The following PTGIS variants were observed in gnomAD, a reference collection of about 807,000 sequenced individuals.
PTGIS encodes prostacyclin synthase.
A neutral mutation model predicts 50.3 loss-of-function variants in PTGIS; 45 were observed. The observed-to-expected ratio is 0.90, with a 90% CI of 0.70 to 1.15. PTGIS has a LOEUF of 1.15. PTGIS is among the 50% of genes most tolerant of loss of function. PTGIS has a pLI of 0.00. For missense variants in PTGIS, 668 were observed against 661.3 expected (o/e 1.01, Z -0.11); for synonymous variants, 260 against 267.7 (o/e 0.97, Z 0.28).
At chr20:49,530,146 C>T (rs1158834015) in intron 5 of PTGIS, among the ~76,000 whole-genome samples, 3 of 100,770 alleles carry the variant, frequency 3.0e-5, no homozygotes, top group Non-Finnish European at 5.8e-5. Context: ...AAAAACGAAA[C>T]TCTGTCTCAA....
At chr20:49,536,883 G>A (rs776488688) in intron 5 of PTGIS, among the ~76,000 whole-genome samples, 5 of 152,162 alleles carry the variant, frequency 3.3e-5, no homozygotes, top group Non-Finnish European at 7.3e-5. Flanking sequence ...GAGGCACAGA[G>A]AAAACACACA....
At position 49,513,239 on chromosome 20, in the gene PTGIS, G is replaced by C. The variant is rs987992184; in HGVS notation, c.1047C>G (p.Leu349=). 2 of 1,613,696 alleles carry C rather than the reference G, an allele frequency of 1.2e-6. No individual in the cohort carries two copies. The highest frequency in any genetic ancestry group is 1.3e-5 in the African/African-American group (1 of 74,908). The change falls in exon 8 of 10, where the codon CTC becomes CTG. Residue 349 remains leucine, a synonymous_variant. Coordinates refer to ENST00000244043, the MANE Select transcript of PTGIS (RefSeq NM_000961.4). ...PVLDSVLSES[L]RLTAAPFITR... is the part of the protein sequence containing the mutation. ...TGATGAAGGGGGCAGCTGTAAGCCT[G>C]AGGCTCTCACTCAGCACGCTATCTG...
rs1981195703 is a variant in PTGIS, at chr20:49,507,894, G to A, written c.*26C>T. 1 of 1,608,114 alleles carries A rather than the reference G, an allele frequency of 6.2e-7. No homozygotes were observed. The highest frequency in any genetic ancestry group is 8.5e-7 in the Non-Finnish European group (1 of 1,179,984). The stretch of plus-strand genomic sequence containing the variant: ...GCTGGGGCAGGCTGGGCAGAGGCGA[G>A]CACGTGGATCCATCTGCTCCCTGTG... On this transcript the variant is annotated 3_prime_UTR_variant, in exon 10 of 10. Coordinates refer to ENST00000244043, the MANE Select transcript of PTGIS (RefSeq NM_000961.4).
chr20:49,567,911 G>T (rs1219901283), intron 1 of PTGIS, 132 bp downstream of exon 1: 4 of 821,930 alleles, frequency 4.9e-6, no homozygotes, highest in Non-Finnish European at 5.0e-6. Flanking sequence ...CACCTCCGAG[G>T]GTCTCGCCTT....
chr20:49,538,027 G>A (rs1982124466), intron 5 of PTGIS, among the ~76,000 whole-genome samples: 1 of 152,172 alleles, frequency 6.6e-6, no homozygotes, highest in African/African-American at 2.4e-5. Flanking sequence ...ACCAACGTGG[G>A]AGGATTGCTT....
chr20:49,534,148 T>C (rs1046821258), intron 5 of PTGIS, among the ~76,000 whole-genome samples: 5 of 152,340 alleles, frequency 3.3e-5, no homozygotes, highest in East Asian at 3.9e-4. Context: ...CCCTTACTGA[T>C]GGACTTTAAA....
At position 49,540,760 on chromosome 20, in the gene PTGIS, C is replaced by T. The variant is rs920208877; in HGVS notation, c.522-1039G>A. Among the ~76,000 whole-genome samples, 8 of 152,170 alleles carry T rather than the reference C, an allele frequency of 5.3e-5. No individual in the cohort carries two copies. Among genetic ancestry groups the T allele is most frequent in the Admixed American group, 2.0e-4 (3 of 15,284 alleles). ...CCCCAGGAGTCCAGCCCCAGCCCAG[C>T]GGGCTGACCTCAGTCCTGGGAGGGA... On this transcript the variant is annotated intron_variant, in intron 4 of 9. Transcript: ENST00000244043. The surrounding 1 kb of genome is among the most constrained non-coding windows in gnomAD (Gnocchi z 4.8).
intron 6 of PTGIS, among the ~76,000 whole-genome samples, chr20:49,515,274 CT>C (rs774382698): frequency 2.0e-4 from 31 of 152,198 alleles, no homozygotes; most frequent in Non-Finnish European, 4.3e-4. Context: ...TCATTGATGA[CT>C]GAAAGCTATG....
chr20:49,550,487 T>C (rs77208342), intron 1 of PTGIS, among the ~76,000 whole-genome samples: 6,125 of 152,308 alleles, frequency 0.04, 347 homozygotes, highest in African/African-American at 0.13. Context: ...CTCCCTGGCA[T>C]TGTCCTTAAC....
intron 1 of PTGIS, among the ~76,000 whole-genome samples, chr20:49,566,089 G>T (rs533544797): frequency 6.6e-6 from 1 of 152,326 alleles, no homozygotes; most frequent in East Asian, 1.9e-4. Context: ...AATTAGCTGG[G>T]CATGGTGGCA....
intron 5 of PTGIS, among the ~76,000 whole-genome samples, chr20:49,531,241 C>T (rs1223354789): frequency 6.6e-6 from 1 of 152,054 alleles, no homozygotes; most frequent in Non-Finnish European, 1.5e-5. Context: ...TCCAGTGAAA[C>T]ATCATATACT....
Position 49,504,637 on chromosome 20 carries a change from T to C in PTGIS, c.*3283A>G, listed in dbSNP as rs1444845276. The C allele has an allele frequency of 6.7e-6, 1 of 149,486 alleles. No homozygotes were observed. Among genetic ancestry groups the C allele is most frequent in the Non-Finnish European group, 1.5e-5 (1 of 67,754 alleles). The allele number at this position is 149,486 out of a possible 1,614,324, so 9.3% of individuals were successfully genotyped here. ...TAAACCCAGGAGGTGGAGGTTGTGGTGAGCTGAGATCGTGCCATTGCACTC... is the reference window on the plus strand; with the variant it reads ...TAAACCCAGGAGGTGGAGGTTGTGGCGAGCTGAGATCGTGCCATTGCACTC... On this transcript the variant is annotated 3_prime_UTR_variant, in exon 10 of 10. Transcript: ENST00000244043.
intron 6 of PTGIS, among the ~76,000 whole-genome samples, chr20:49,517,074 C>T (rs778079677): frequency 4.0e-4 from 61 of 152,218 alleles, no homozygotes; most frequent in Non-Finnish European, 8.1e-4. Context: ...ACGTGCTGCG[C>T]CCATAGTAGG....
chr20:49,529,405 C>T (rs1981877395), intron 5 of PTGIS, among the ~76,000 whole-genome samples: 1 of 152,086 alleles, frequency 6.6e-6, no homozygotes, highest in Admixed American at 6.6e-5. Flanking sequence ...TATTGTCTTC[C>T]AAGTTCATCT....
intron 6 of PTGIS, among the ~76,000 whole-genome samples, chr20:49,518,957 A>T (rs973890869): frequency 6.6e-6 from 1 of 152,180 alleles, no homozygotes; most frequent in Non-Finnish European, 1.5e-5. Flanking sequence ...GTGGCTGCTG[A>T]GGATGTGATG....
intron 1 of PTGIS, among the ~76,000 whole-genome samples, chr20:49,559,998 C>T (rs943920915): frequency 2.6e-5 from 4 of 151,060 alleles, no homozygotes; most frequent in Non-Finnish European, 5.9e-5. Flanking sequence ...GATCTTGGCT[C>T]ACTGCAACCT....
rs56195291 is a variant in PTGIS at position 49,513,151 on chromosome 20, G to C, written c.1135C>G (p.Arg379Gly). The stretch of plus-strand genomic sequence containing the variant: ...GGGAAGAGGAGGAGGCGGTCACCAC[G>C]TCGCAGGTTGAATTCTCGCCCGTCT... ...MADGREFNLRRGDRLLLFPFL... is the reference protein window; with the variant it reads ...MADGREFNLRGGDRLLLFPFL... The change falls in exon 8 of 10, where the codon CGT (arginine) becomes GGT (glycine). Residue 379 changes from arginine (R) to glycine (G), a missense_variant. Physicochemically the swap from Arg to Gly is moderately radical, Grantham distance 125. Coordinates refer to ENST00000244043, the MANE Select transcript of PTGIS (RefSeq NM_000961.4). The C allele has an allele frequency of 2.5e-6, 4 of 1,614,016 alleles. No homozygotes were observed. The highest frequency in any genetic ancestry group is 3.4e-6 in the Non-Finnish European group (4 of 1,180,046).
At chr20:49,520,613 C>T (rs1434827793) in intron 6 of PTGIS, among the ~76,000 whole-genome samples, 1 of 152,038 alleles carries the variant, frequency 6.6e-6, no homozygotes. Flanking sequence ...GGATTACAGG[C>T]GTGAGCCACT....
At chr20:49,508,167 C>T in intron 9 of PTGIS, 103 bp from the exon 10 acceptor site, 1 of 1,363,496 alleles carries the variant, frequency 7.3e-7, no homozygotes. Context: ...CTGACTCCAA[C>T]TTTGAGTAAA....
Sources: gnomAD v4.1 joint callset for allele counts (sites outside exome capture counted in the v4.1 genomes callset) on GRCh38, gnomAD v4.1.1 for gene constraint, Gnocchi (gnomAD v3.1) non-coding constraint, MANE v1.5 for transcripts, NCBI Gene and HGNC (gene_info 2026-07-23, HGNC 2026-07-21) for gene names.